Variants in SDK1 observed in about 807,000 individuals in gnomAD.
SDK1 encodes protein sidekick-1.
Under a neutral mutation model 245.5 loss-of-function variants are expected in SDK1, and 157 were observed. The observed-to-expected ratio is 0.64, with a 90% CI of 0.56 to 0.73. The LOEUF (loss-of-function observed/expected upper bound fraction) is 0.73, where lower values mean the gene tolerates loss of function less well. SDK1 is among the 30% of genes least tolerant of loss of function. The pLI is 0.00. For synonymous variants in SDK1, 1,647 were observed against 1,278.5 expected, an observed-to-expected ratio of 1.29 and a Z score of -6.15; for missense variants, 3,583 against 3,002.3, an observed-to-expected ratio of 1.19 and a Z score of -4.52.
At chr7:3,822,524 A>G (rs1156362100) in intron 5 of SDK1, among the ~76,000 whole-genome samples, 2 of 152,092 alleles carry the variant, frequency 1.3e-5, no homozygotes, top group South Asian at 2.1e-4. Context: ...GATCCCAGCA[A>G]TTTGGGAGGC....
At chr7:3,737,109 T>C (rs550445190) in intron 4 of SDK1, among the ~76,000 whole-genome samples, 7 of 152,244 alleles carry the variant, frequency 4.6e-5, no homozygotes, top group Non-Finnish European at 5.9e-5. Context: ...TCTTTCCTTA[T>C]GGCGGAATAG....
chr7:3,800,446 A>G (rs1473359989), intron 4 of SDK1, among the ~76,000 whole-genome samples: 4 of 152,026 alleles, frequency 2.6e-5, no homozygotes, highest in South Asian at 2.1e-4. Flanking sequence ...CAATGGCACA[A>G]TCTTGGCTCA....
chr7:3,573,794 C>G (rs1780192132), intron 1 of SDK1, among the ~76,000 whole-genome samples: 1 of 151,938 alleles, frequency 6.6e-6, no homozygotes, highest in Non-Finnish European at 1.5e-5. Flanking sequence ...TTTTCTAAGT[C>G]ATGCTGAGAA....
At chr7:3,950,515 T>C (rs1780763068) in intron 5 of SDK1, among the ~76,000 whole-genome samples, 2 of 152,206 alleles carry the variant, frequency 1.3e-5, no homozygotes, top group Admixed American at 6.5e-5. Context: ...TTATCATTGT[T>C]CTGTTTCATT....
At chr7:4,199,572 C>T (rs910091908) in intron 35 of SDK1, among the ~76,000 whole-genome samples, 1 of 152,192 alleles carries the variant, frequency 6.6e-6, no homozygotes, top group African/African-American at 2.4e-5. Context: ...CTGGCCTCAT[C>T]CTCCTTTTCC....
intron 22 of SDK1, among the ~76,000 whole-genome samples, chr7:4,097,001 G>A (rs538637562): frequency 5.3e-5 from 8 of 152,320 alleles, no homozygotes; most frequent in African/African-American, 9.6e-5. Flanking sequence ...TCACAAACTC[G>A]CACAGCTTGA....
chr7:3,895,737 C>A (rs762173951), intron 5 of SDK1, among the ~76,000 whole-genome samples: 1 of 152,122 alleles, frequency 6.6e-6, no homozygotes, highest in African/African-American at 2.4e-5. Context: ...CATCAGTATC[C>A]CCAGGCACTG....
chr7:3,588,330 A>G (rs754310837), intron 1 of SDK1, among the ~76,000 whole-genome samples: 7 of 152,210 alleles, frequency 4.6e-5, no homozygotes, highest in Admixed American at 4.6e-4. Context: ...ATATTTATTA[A>G]GTTTGTTTAC....
At chr7:3,547,102 T>TA (rs1779247927) in intron 1 of SDK1, among the ~76,000 whole-genome samples, 1 of 152,214 alleles carries the variant, frequency 6.6e-6, no homozygotes, top group African/African-American at 2.4e-5. Flanking sequence ...TGTCTACACT[T>TA]AGAGTTTTAG....
chr7:3,831,877 T>A (rs1023513813), intron 5 of SDK1, among the ~76,000 whole-genome samples: 2 of 151,902 alleles, frequency 1.3e-5, no homozygotes, highest in African/African-American at 4.8e-5. Context: ...GGAGACTCTG[T>A]CTTTAACAAC....
At chr7:3,331,488 A>T (rs1347425354) in intron 1 of SDK1, among the ~76,000 whole-genome samples, 1 of 152,160 alleles carries the variant, frequency 6.6e-6, no homozygotes, top group African/African-American at 2.4e-5. Context: ...TTTTTACATT[A>T]GTTGTCTTAC....
In SDK1 at chr7:4,268,808, G is replaced by A. The variant is rs757796270; in HGVS notation, c.*3424G>A. On this transcript the variant is annotated 3_prime_UTR_variant, in exon 45 of 45. Coordinates refer to ENST00000404826, the MANE Select transcript of SDK1 (RefSeq NM_152744.4). Reference sequence around the variant, plus strand: ...GGAAACTCATGAGCTGAGCCTGCCCGCTGGGACACGTCTCCTTCCCGCGTC... The same window carrying A: ...GGAAACTCATGAGCTGAGCCTGCCCACTGGGACACGTCTCCTTCCCGCGTC... 9.8e-6 allele frequency: 12 copies of A among 1,230,510 alleles called. No individual in the cohort carries two copies. The East Asian group carries it at 1.4e-4, about 14-fold the overall frequency. 76.2% of individuals were successfully genotyped at this position (1,230,510 alleles called of 1,614,324 possible).
chr7:3,316,273 T>A (rs1779660605), intron 1 of SDK1, among the ~76,000 whole-genome samples: 1 of 152,192 alleles, frequency 6.6e-6, no homozygotes, highest in South Asian at 2.1e-4. Context: ...TCTGTATGTT[T>A]ATGGTACCTT....
At chr7:3,384,249 C>T (rs1251475563) in intron 1 of SDK1, among the ~76,000 whole-genome samples, 2 of 151,974 alleles carry the variant, frequency 1.3e-5, no homozygotes, top group East Asian at 3.9e-4. Context: ...TTTATGTATA[C>T]TTTTTAGTGC....
At chr7:3,791,283 C>A (rs1447622883) in intron 4 of SDK1, among the ~76,000 whole-genome samples, 1 of 152,098 alleles carries the variant, frequency 6.6e-6, no homozygotes, top group South Asian at 2.1e-4. Context: ...CCTCGTGGAA[C>A]TACAGCCAGT....
chr7:4,136,504 G>C (rs1006499745), intron 28 of SDK1, among the ~76,000 whole-genome samples: 3 of 152,218 alleles, frequency 2.0e-5, no homozygotes, highest in African/African-American at 7.2e-5. Context: ...GAGATTAACA[G>C]CGTGAACCAC....
intron 1 of SDK1, among the ~76,000 whole-genome samples, chr7:3,472,545 G>A (rs1321301040): frequency 6.6e-6 from 1 of 152,144 alleles, no homozygotes; most frequent in African/African-American, 2.4e-5. Flanking sequence ...TATCTTAATA[G>A]AATAATTATA....
intron 7 of SDK1, 87 bp downstream of exon 7, chr7:3,952,007 C>A: frequency 7.9e-7 from 1 of 1,265,720 alleles, no homozygotes; most frequent in Non-Finnish European, 1.1e-6. Context: ...TAGCGTATTT[C>A]AGTGGCTTTA....
chr7:3,904,225 T>A (rs1252867447), intron 5 of SDK1, among the ~76,000 whole-genome samples: 1 of 152,184 alleles, frequency 6.6e-6, no homozygotes, highest in Non-Finnish European at 1.5e-5. Flanking sequence ...ATATGAAATG[T>A]GCAAAATACA....
Sources: allele counts gnomAD v4.1 joint callset (sites outside exome capture counted in the v4.1 genomes callset), GRCh38; gene constraint gnomAD v4.1.1; transcripts MANE v1.5; gene names NCBI Gene and HGNC (gene_info 2026-07-23, HGNC 2026-07-21).